PARP14: variants seen among roughly 807,000 people sequenced by gnomAD.
PARP14 encodes protein mono-ADP-ribosyltransferase PARP14.
A neutral mutation model predicts 154.2 loss-of-function variants in PARP14; 59 were observed. The ratio of observed to expected loss-of-function variants is 0.38; its 90% CI spans 0.31 to 0.48. PARP14 has a LOEUF of 0.48. Among genes scored for constraint, PARP14 ranks in the 20% least tolerant of loss-of-function variants. PARP14 has a pLI of 0.98. For synonymous variants in PARP14, 720 were observed against 780.5 expected (o/e 0.92, Z 1.29); for missense variants, 1,734 against 2,131.6 (o/e 0.81, Z 3.67).
At position 122,720,298 on chromosome 3, in the gene PARP14, C is replaced by A. The variant is rs778763790; in HGVS notation, c.4851C>A (p.Phe1617Leu). ...AHWSDMKQQNFCVVELLPSDP... is the reference protein window; with the variant it reads ...AHWSDMKQQNLCVVELLPSDP... ...GGAGTGATATGAAGCAGCAGAATTT[C>A]TGTGTGGTGGAGCTGCTGCCTAGTG... Residue 1617 changes from phenylalanine to leucine, a missense_variant, in exon 15 of 17, where the codon TTC becomes TTA. By Grantham distance (22) the Phe-to-Leu change is conservative (BLOSUM62 0). Around this residue, in one of 2 missense-constraint regions of PARP14, gnomAD observed 1,646 missense variants for 1,976.0 expected, o/e 0.83. Coordinates refer to ENST00000474629, the MANE Select transcript of PARP14 (RefSeq NM_017554.3). The A allele has an allele frequency of 1.1e-5, 17 of 1,613,136 alleles. No individual in the cohort carries two copies.
chr3:122,708,408 C>T (rs1271882314), intron 9 of PARP14, 140 bp downstream of exon 9: 2 of 616,856 alleles, frequency 3.2e-6, no homozygotes, highest in African/African-American at 3.7e-5. Flanking sequence ...TTTCATATAC[C>T]TGAGCATGTA....
intron 12 of PARP14, among the ~76,000 whole-genome samples, chr3:122,717,323 G>A (rs1933024985): frequency 1.3e-5 from 2 of 152,148 alleles, no homozygotes; most frequent in African/African-American, 2.4e-5. Context: ...TGTTCCCCCA[G>A]CTGGAAAGGG....
chr3:122,701,489 A>G lies in PARP14; in HGVS notation c.2935A>G (p.Lys979Glu), dbSNP rs749639305. 6.2e-7 allele frequency: 1 copy of G among 1,613,936 alleles called. No homozygotes were observed. The highest frequency in any genetic ancestry group is 1.7e-5 in the Admixed American group (1 of 60,012). ...AFAEAVKTVF[K>E]ATLPDTAAPP... ...TGCAGAAGCTGTGAAAACTGTATTTAAAGCCACCCTGCCAGATACAGCTGC... is the reference window on the plus strand; with the variant it reads ...TGCAGAAGCTGTGAAAACTGTATTTGAAGCCACCCTGCCAGATACAGCTGC... Residue 979 changes from lysine to glutamate, a missense_variant, in exon 6 of 17, where the codon AAA (lysine) becomes GAA (glutamate). This residue lies in a region of PARP14 where 1,646 missense variants were observed against 1,976.0 expected (regional missense o/e 0.83). Transcript: ENST00000474629. The surrounding 1 kb of genome is among the most constrained non-coding windows in gnomAD (Gnocchi z 4.0).
In PARP14 at chr3:122,699,692, A is replaced by G; in HGVS notation, c.1138A>G (p.Ile380Val). The change falls in exon 6 of 17, where the codon ATC becomes GTC. Residue 380 changes from isoleucine to valine, a missense_variant. By Grantham distance (29) the Ile-to-Val change is conservative. Around this residue, in one of 2 missense-constraint regions of PARP14, gnomAD observed 1,646 missense variants for 1,976.0 expected, o/e 0.83. Transcript: ENST00000474629. ...CTTAGTCAATGAAGGAAGACCGAGA[A>G]TCAAGACCTGGCAGGCAGATACTTC... ...ATLVNEGRPR[I>V]KTWQADTSTT... The G allele has an allele frequency of 6.2e-7, 1 of 1,614,060 alleles. No homozygotes were observed. The highest frequency in any genetic ancestry group is 8.5e-7 in the Non-Finnish European group (1 of 1,179,902).
intron 8 of PARP14, among the ~76,000 whole-genome samples, chr3:122,705,341 G>A (rs1422398176): frequency 6.6e-6 from 1 of 152,158 alleles, no homozygotes; most frequent in Non-Finnish European, 1.5e-5. Flanking sequence ...CAATGGAGTT[G>A]ACTATAGGAT....
chr3:122,700,334 A>C lies in PARP14; in HGVS notation c.1780A>C (p.Ser594Arg), dbSNP rs1938921725. Residue 594 changes from serine (S) to arginine (R), a missense_variant, in exon 6 of 17, where the codon AGT becomes CGT. This residue lies in a region of PARP14 where 1,646 missense variants were observed against 1,976.0 expected (regional missense o/e 0.83). Transcript: ENST00000474629. ...ALLEAEKQML[S>R]ALNYKRIEVE... ...GTTAGAAGCAGAAAAGCAAATGCTC[A>C]GTGCCTTAAATTATAAGCGCATTGA... 6.2e-7 allele frequency: 1 copy of C among 1,613,722 alleles called. No homozygotes were observed. Among genetic ancestry groups the C allele is most frequent in the South Asian group, 1.1e-5 (1 of 91,030 alleles).
intron 10 of PARP14, 101 bp downstream of exon 10, chr3:122,713,674 A>G (rs1350200746): frequency 2.7e-6 from 3 of 1,099,366 alleles, no homozygotes; most frequent in Non-Finnish European, 4.0e-6. Context: ...TTGTTAATTA[A>G]TAACTTTTAA....
chr3:122,686,354 C>T (rs2107636201), intron 2 of PARP14, among the ~76,000 whole-genome samples: 1 of 152,018 alleles, frequency 6.6e-6, no homozygotes, highest in African/African-American at 2.4e-5. Context: ...GGGGTTTTAC[C>T]ATGTTGCCTA....
rs1382889546 is a variant in PARP14 at position 122,681,854 on chromosome 3, A to C, written c.187+784A>C. ...GGCTCAAGGGCCTCCCTGGTCTGCA[A>C]TGGGAAGCCAGTGACCTGCAGCTCC... On this transcript the variant is annotated intron_variant, in intron 1 of 16. Transcript: ENST00000474629. This position sits in a 1 kb window ranked among gnomAD's most constrained non-coding sequence, Gnocchi z 5.5. 1.3e-5 allele frequency among the ~76,000 whole-genome samples: 2 copies of C among 152,172 alleles called. No individual in the cohort carries two copies. Among genetic ancestry groups the C allele is most frequent in the African/African-American group, 4.8e-5 (2 of 41,442 alleles).
intron 7 of PARP14, among the ~76,000 whole-genome samples, chr3:122,704,206 G>A (rs1939076440): frequency 6.6e-6 from 1 of 152,200 alleles, no homozygotes; most frequent in Admixed American, 6.5e-5. Flanking sequence ...TTGGAGCTCA[G>A]GGAAGGGTTA....
Position 122,718,717 on chromosome 3 carries a change from A to G in PARP14, c.4566A>G (p.Lys1522=), listed in dbSNP as rs376418242. 20 of 1,613,458 alleles carry G rather than the reference A, an allele frequency of 1.2e-5. No homozygotes were observed. The highest frequency in any genetic ancestry group is 1.7e-5 in the Non-Finnish European group (20 of 1,179,654). The change falls in exon 14 of 17, where the codon AAA becomes AAG. Residue 1522 remains lysine (K), a synonymous_variant. Coordinates refer to ENST00000474629, the MANE Select transcript of PARP14 (RefSeq NM_017554.3). Reference sequence around the variant, plus strand: ...TGATCAAGAGAGTTCGATTGGCCAAAGAACAGGAATCCCGGGCAGATTGTA... The same window carrying G: ...TGATCAAGAGAGTTCGATTGGCCAAGGAACAGGAATCCCGGGCAGATTGTA... The part of the protein sequence containing the change: ...EAMIKRVRLA[K]EQESRADCIS...
At chr3:122,706,414 T>G (rs560940321) in intron 8 of PARP14, among the ~76,000 whole-genome samples, 4 of 152,330 alleles carry the variant, frequency 2.6e-5, no homozygotes, top group African/African-American at 9.6e-5. Context: ...CCTCTAGATG[T>G]GCTTTATTTA....
Position 122,704,753 on chromosome 3 carries a change from A to G in PARP14, c.3540+5A>G. On this transcript the variant is annotated splice_donor_5th_base_variant and intron_variant, in intron 8 of 16. Coordinates refer to ENST00000474629, the MANE Select transcript of PARP14 (RefSeq NM_017554.3). ...AGTGATCATGAAAATATTCAGGTACAGTGCCACTAATTTCTGATTATTTTG... is the reference window on the plus strand; with the variant it reads ...AGTGATCATGAAAATATTCAGGTACGGTGCCACTAATTTCTGATTATTTTG... 6.5e-7 allele frequency: 1 copy of G among 1,534,002 alleles called. No homozygotes were observed. Among genetic ancestry groups the G allele is most frequent in the Non-Finnish European group, 8.9e-7 (1 of 1,121,266 alleles).
At chr3:122,697,045 C>T (rs371356860) in intron 5 of PARP14, among the ~76,000 whole-genome samples, 2 of 152,110 alleles carry the variant, frequency 1.3e-5, no homozygotes, top group African/African-American at 4.8e-5. Context: ...TCAGCCTCCC[C>T]AGGCTCAGGT....
chr3:122,703,943 C>A lies in PARP14; in HGVS notation c.3283C>A (p.Pro1095Thr), dbSNP rs765726430. The A allele has an allele frequency of 6.2e-7, 1 of 1,613,876 alleles. No homozygotes were observed. The highest frequency in any genetic ancestry group is 1.7e-5 in the Admixed American group (1 of 60,012). ...TCGCTATGTGCTTCACGTGGTAGCT[C>A]CGGAGTGGAGAAATGGTAGCACATC... ...DCRYVLHVVA[P>T]EWRNGSTSSL... Residue 1095 changes from proline (P) to threonine (T), a missense_variant, in exon 7 of 17, where the codon CCG becomes ACG. Physicochemically the swap from Pro to Thr is conservative, Grantham distance 38. This residue lies in a region of PARP14 where 1,646 missense variants were observed against 1,976.0 expected (regional missense o/e 0.83). Transcript: ENST00000474629.
At chr3:122,717,817 G>A (rs908575429) in intron 12 of PARP14, among the ~76,000 whole-genome samples, 5 of 152,208 alleles carry the variant, frequency 3.3e-5, no homozygotes, top group Non-Finnish European at 2.9e-5. Context: ...ATGATTGTCA[G>A]ACACCAAAAG....
intron 8 of PARP14, among the ~76,000 whole-genome samples, chr3:122,707,373 T>C (rs897463248): frequency 1.4e-5 from 1 of 70,460 alleles, no homozygotes; most frequent in Non-Finnish European, 3.4e-5. Flanking sequence ...AGAATGAGAC[T>C]CCATCTCAAA....
chr3:122,719,941 C>G (rs564921536), intron 14 of PARP14, among the ~76,000 whole-genome samples: 3 of 152,210 alleles, frequency 2.0e-5, no homozygotes, highest in Admixed American at 1.3e-4. Flanking sequence ...ACAGAAAACA[C>G]AGATGAGTTA....
Position 122,718,630 on chromosome 3 carries a change from T to A in PARP14, c.4479T>A (p.Pro1493=). The part of the protein sequence containing the change: ...NINISLDHKR[P]LIKVLGISRD... ...ACATTTCCCTGGACCATAAGAGACC[T>A]TTGATTAAGGTTTTGGGAATTAGCA... is the stretch of plus-strand genomic sequence containing the variant. The change falls in exon 14 of 17, where the codon CCT becomes CCA. Residue 1493 remains proline, a synonymous_variant. Coordinates refer to ENST00000474629, the MANE Select transcript of PARP14 (RefSeq NM_017554.3). 6.2e-7 allele frequency: 1 copy of A among 1,613,888 alleles called. No homozygotes were observed. Among genetic ancestry groups the A allele is most frequent in the Non-Finnish European group, 8.5e-7 (1 of 1,179,852 alleles).
Sources: gnomAD v4.1 joint callset for allele counts (sites outside exome capture counted in the v4.1 genomes callset) on GRCh38, gnomAD v4.1.1 for gene constraint, gnomAD v4.1.1 regional missense constraint, Gnocchi (gnomAD v3.1) non-coding constraint, MANE v1.5 for transcripts, NCBI Gene and HGNC (gene_info 2026-07-23, HGNC 2026-07-21) for gene names.